CD109: variants seen among roughly 807,000 people sequenced by gnomAD.
The protein encoded by CD109 is CD109 molecule.
A neutral mutation model predicts 165.8 loss-of-function variants in CD109; 149 were observed. That is an observed-to-expected ratio of 0.90 (90% confidence interval 0.79 to 1.03). The LOEUF is 1.03. CD109 is among the 50% of genes least tolerant of loss of function. CD109 has a pLI of 0.00. For missense variants in CD109, 1,712 were observed against 1,677.8 expected, an observed-to-expected ratio of 1.02 and a Z score of -0.36; for synonymous variants, 585 against 592.1, an observed-to-expected ratio of 0.99 and a Z score of 0.18.
At chr6:73,802,289 G>GTGTGTGTGTGTGTATATA (rs71542231) in intron 23 of CD109, among the ~76,000 whole-genome samples, 1 of 78,202 alleles carries the variant, frequency 1.3e-5, no homozygotes, top group African/African-American at 6.0e-5. Flanking sequence ...GTGTGTGTGT[G>GTGTGTGTGTGTGTATATA]TATATATATA....
chr6:73,689,319 G>T, the CD109 span, among the ~76,000 whole-genome samples: 19 of 152,258 alleles, frequency 1.2e-4, no homozygotes, highest in Admixed American at 1.2e-3. Flanking sequence ...GGCATCTAAG[G>T]TTGGGGGCAG....
chr6:73,720,421 C>T (rs1175590791), intron 2 of CD109, among the ~76,000 whole-genome samples: 2 of 152,052 alleles, frequency 1.3e-5, no homozygotes, highest in African/African-American at 4.8e-5. Flanking sequence ...GGAATAATTT[C>T]AAGAGATCTA....
At chr6:73,818,684 A>G in intron 31 of CD109, 149 bp downstream of exon 31, 1 of 694,708 alleles carries the variant, frequency 1.4e-6, no homozygotes, top group East Asian at 2.8e-5. Context: ...CCATATATTT[A>G]TCTCCATTAG....
chr6:73,777,827 A>T (rs1774313278), intron 15 of CD109, among the ~76,000 whole-genome samples: 1 of 152,172 alleles, frequency 6.6e-6, no homozygotes, highest in African/African-American at 2.4e-5. Flanking sequence ...CTTGTAGTAC[A>T]GTTTGAACTC....
chr6:73,732,386 A>T (rs894146460), intron 4 of CD109, among the ~76,000 whole-genome samples: 13 of 152,232 alleles, frequency 8.5e-5, no homozygotes, highest in Non-Finnish European at 1.8e-4. Flanking sequence ...TTCAATGCAT[A>T]TTGCTTGAAT....
At position 73,818,501 on chromosome 6, in the gene CD109, A is replaced by G. The variant is rs1298958422; in HGVS notation, c.4025A>G (p.Tyr1342Cys). 2 of 1,613,122 alleles carry G rather than the reference A, an allele frequency of 1.2e-6. No individual in the cohort carries two copies. The highest frequency in any genetic ancestry group is 1.3e-5 in the African/African-American group (1 of 74,900). ...SLSETVKKVE[Y>C]DHGKLNLYLD... ...AGCGAGACAGTGAAGAAAGTGGAAT[A>G]TGATCATGGAAAACTCAACCTCTAT... Residue 1342 changes from tyrosine (Y) to cysteine (C), a missense_variant, in exon 31 of 33, where the codon TAT (tyrosine) becomes TGT (cysteine). Physicochemically the swap from Tyr to Cys is radical, Grantham distance 194. Coordinates refer to ENST00000287097, the MANE Select transcript of CD109 (RefSeq NM_133493.5).
chr6:73,787,458 T>C lies in CD109; in HGVS notation c.2556+6T>C, dbSNP rs373329804. 1.3e-6 allele frequency: 2 copies of C among 1,586,170 alleles called. No individual in the cohort carries two copies. Among genetic ancestry groups the C allele is most frequent in the Non-Finnish European group, 8.6e-7 (1 of 1,159,660 alleles). On this transcript the variant is annotated splice_donor_region_variant and intron_variant, in intron 21 of 32. Transcript: ENST00000287097. ...CCCAGATGATTTTAGTAAAGGTAAA[T>C]ATTTGATGTCTGAAAGAAGTGAAAT... is the stretch of plus-strand genomic sequence containing the variant.
upstream of CD109, among the ~76,000 whole-genome samples, chr6:73,691,543 G>A (rs1244310733): frequency 6.6e-6 from 1 of 152,178 alleles, no homozygotes; most frequent in African/African-American, 2.4e-5. Context: ...TGTACATGAA[G>A]CTCTGGACAA....
chr6:73,804,442 C>T (rs189414863), intron 24 of CD109, among the ~76,000 whole-genome samples: 25 of 152,288 alleles, frequency 1.6e-4, no homozygotes, highest in Admixed American at 3.9e-4. Flanking sequence ...GTAGAGTCTC[C>T]GTTGCATGCT....
intron 5 of CD109, among the ~76,000 whole-genome samples, chr6:73,751,451 A>G (rs933353830): frequency 6.6e-6 from 1 of 151,794 alleles, no homozygotes; most frequent in Non-Finnish European, 1.5e-5. Context: ...GGCTTGCCTT[A>G]TTCCTACTAA....
chr6:73,804,697 G>A (rs969624040), intron 24 of CD109, among the ~76,000 whole-genome samples: 1 of 152,220 alleles, frequency 6.6e-6, no homozygotes, highest in Non-Finnish European at 1.5e-5. Context: ...CCCACCTGAA[G>A]TACTACAGTT....
At chr6:73,775,638 AT>A (rs1324613138) in intron 15 of CD109, among the ~76,000 whole-genome samples, 1 of 152,120 alleles carries the variant, frequency 6.6e-6, no homozygotes, top group African/African-American at 2.4e-5. Context: ...TCCAGTACCC[AT>A]TAGTTATTTT....
chr6:73,689,289 CACA>C, the CD109 span, among the ~76,000 whole-genome samples: 8 of 152,234 alleles, frequency 5.3e-5, no homozygotes, highest in East Asian at 1.5e-3. Context: ...AAGCACAGGT[CACA>C]ACCTGAGTTT....
upstream of CD109, chr6:73,695,160 C>T (rs937246540): frequency 6.6e-6 from 1 of 152,222 alleles, no homozygotes; most frequent in African/African-American, 2.4e-5. Context: ...TAAAACCGCT[C>T]CATGAATTAG....
intron 2 of CD109, among the ~76,000 whole-genome samples, chr6:73,698,997 A>T (rs1313195931): frequency 6.6e-6 from 1 of 152,224 alleles, no homozygotes; most frequent in Non-Finnish European, 1.5e-5. Flanking sequence ...AACAATTGCT[A>T]ATATTATTAG....
At chr6:73,721,389 G>A (rs949274248) in intron 2 of CD109, among the ~76,000 whole-genome samples, 7 of 147,640 alleles carry the variant, frequency 4.7e-5, no homozygotes, top group East Asian at 4.0e-4. Context: ...TTTTGAGACA[G>A]TATCTCCCTC....
chr6:73,765,554 G>T (rs1392521535), intron 10 of CD109, among the ~76,000 whole-genome samples: 1 of 152,056 alleles, frequency 6.6e-6, no homozygotes, highest in Non-Finnish European at 1.5e-5. Context: ...TGGCTTTAGG[G>T]TACAATCACA....
At chr6:73,754,577 C>T (rs2150211883) in intron 5 of CD109, among the ~76,000 whole-genome samples, 1 of 152,256 alleles carries the variant, frequency 6.6e-6, no homozygotes, top group South Asian at 2.1e-4. Flanking sequence ...TAGTTTCAGG[C>T]TGTTGTTTAA....
intron 5 of CD109, 129 bp downstream of exon 5, chr6:73,736,637 G>T: frequency 1.5e-5 from 11 of 732,866 alleles, no homozygotes; most frequent in South Asian, 5.3e-5. Context: ...CAATTTAAAC[G>T]GTTTATTTTT....
Sources: allele counts gnomAD v4.1 joint callset (sites outside exome capture counted in the v4.1 genomes callset), GRCh38; gene constraint gnomAD v4.1.1; transcripts MANE v1.5; gene names NCBI Gene and HGNC (gene_info 2026-07-23, HGNC 2026-07-21).